DDB2: variants seen among roughly 807,000 people sequenced by gnomAD.
DDB2 encodes damage specific DNA binding protein 2.
DDB2 carries 27 observed loss-of-function variants against 50.5 expected under a neutral mutation model. That is an observed-to-expected ratio of 0.53 (90% confidence interval 0.39 to 0.74). The LOEUF is 0.74. DDB2 is among the 30% of genes least tolerant of loss of function. DDB2 has a pLI of 0.00. For missense variants in DDB2, 424 were observed against 545.6 expected (o/e 0.78, Z 2.22); for synonymous variants, 176 against 205.5 (o/e 0.86, Z 1.23).
At chr11:47,238,082 G>A (rs999912413) in intron 8 of DDB2, 56 bp from the exon 9 acceptor site, 31 of 1,611,276 alleles carry the variant, frequency 1.9e-5, no homozygotes, top group Non-Finnish European at 1.8e-5. Flanking sequence ...CCAGAAATCA[G>A]GTGTCTCTGC....
intron 7 of DDB2, chr11:47,235,964 GCT>G (rs1953721972): frequency 9.5e-6 from 1 of 105,698 alleles, no homozygotes; most frequent in African/African-American, 3.7e-5. Context: ...AAACGGTCTT[GCT>G]CTGTCACCCA....
intron 3 of DDB2, among the ~76,000 whole-genome samples, chr11:47,222,882 A>G (rs1216276976): frequency 6.6e-6 from 1 of 152,182 alleles, no homozygotes; most frequent in Non-Finnish European, 1.5e-5. Context: ...ATTTGCCCAC[A>G]TATTGTCATT....
At chr11:47,231,590 C>T (rs750653360) in intron 3 of DDB2, among the ~76,000 whole-genome samples, 12 of 152,222 alleles carry the variant, frequency 7.9e-5, no homozygotes, top group Non-Finnish European at 1.5e-4. Context: ...GTGATTCGAT[C>T]GCAACTCACT....
Position 47,215,013 on chromosome 11 carries a change from C to A in DDB2, c.-124C>A. ...CTGGGCATGTTTGGCGGGAAGTTGG[C>A]TTAGCTCGGCTACCTGTGGCCCCGC... is the stretch of plus-strand genomic sequence containing the variant. On this transcript the variant is annotated 5_prime_UTR_variant, in exon 1 of 10. Coordinates refer to ENST00000256996, the MANE Select transcript of DDB2 (RefSeq NM_000107.3). 1 of 1,467,350 alleles carries A rather than the reference C, an allele frequency of 6.8e-7. No individual in the cohort carries two copies. Among genetic ancestry groups the A allele is most frequent in the Non-Finnish European group, 9.5e-7 (1 of 1,053,414 alleles). 90.9% of individuals were successfully genotyped at this position (1,467,350 alleles called of 1,614,324 possible).
At chr11:47,225,306 T>A (rs943999033) in intron 3 of DDB2, among the ~76,000 whole-genome samples, 2 of 149,478 alleles carry the variant, frequency 1.3e-5, no homozygotes, top group South Asian at 4.3e-4. Flanking sequence ...TTAAAAAAAA[T>A]TGTGGGCCAG....
intron 3 of DDB2, among the ~76,000 whole-genome samples, chr11:47,224,975 T>C (rs552140184): frequency 1.3e-5 from 2 of 152,234 alleles, no homozygotes; most frequent in African/African-American, 4.8e-5. Flanking sequence ...TCTCACTCTC[T>C]CTTCCAGGCT....
At chr11:47,227,099 CT>C (rs34243882) in intron 3 of DDB2, among the ~76,000 whole-genome samples, 12 of 32,144 alleles carry the variant, frequency 3.7e-4, no homozygotes, top group African/African-American at 1.7e-3. Flanking sequence ...GGATATTAAC[CT>C]TTTTTTTTTT....
intron 3 of DDB2, among the ~76,000 whole-genome samples, chr11:47,218,546 G>A (rs969137533): frequency 1.3e-5 from 2 of 152,162 alleles, no homozygotes; most frequent in Admixed American, 1.3e-4. Flanking sequence ...ACTGGGTGAG[G>A]TTTGGCACAG....
chr11:47,234,056 G>C (rs1301419875), intron 4 of DDB2, among the ~76,000 whole-genome samples: 1 of 152,172 alleles, frequency 6.6e-6, no homozygotes, highest in African/African-American at 2.4e-5. Flanking sequence ...CTCCTAGTCA[G>C]CCTCCCAGTC....
intron 3 of DDB2, among the ~76,000 whole-genome samples, chr11:47,226,278 CTTTTTTTTT>C (rs759607243): frequency 7.2e-6 from 1 of 139,288 alleles, no homozygotes; most frequent in African/African-American, 2.6e-5. Context: ...CATTTATTTT[CTTTTTTTTT>C]TTTTTTGAGA....
intron 1 of DDB2, chr11:47,216,092 G>A (rs1055110230): frequency 4.8e-5 from 30 of 625,848 alleles, no homozygotes; most frequent in Admixed American, 3.4e-4. Flanking sequence ...CAGGAACCCT[G>A]CACGACTGTA....
At chr11:47,234,348 A>G (rs2135511243) in intron 4 of DDB2, among the ~76,000 whole-genome samples, 1 of 152,318 alleles carries the variant, frequency 6.6e-6, no homozygotes, top group South Asian at 2.1e-4. Flanking sequence ...TCCTGGGCCC[A>G]GCCATAACCA....
At chr11:47,222,574 G>A (rs1279785609) in intron 3 of DDB2, among the ~76,000 whole-genome samples, 1 of 152,162 alleles carries the variant, frequency 6.6e-6, no homozygotes, top group African/African-American at 2.4e-5. Flanking sequence ...TCAAACTCCT[G>A]GCCTCAAGCT....
chr11:47,216,243 C>T lies in DDB2; in HGVS notation c.128-93C>T, dbSNP rs747171370. 9 of 1,582,378 alleles carry T rather than the reference C, an allele frequency of 5.7e-6. No homozygotes were observed. In the South Asian group the frequency reaches 6.7e-5, roughly 12 times the overall value. On this transcript the variant is annotated intron_variant, in intron 1 of 9. Transcript: ENST00000256996. ...AGGAGGTGATGAGACAGAGATTAAC[C>T]GTGCCGAATGAAACAAGGCTTCCTT...
At chr11:47,215,871 C>T (rs891963934) in intron 1 of DDB2, 9 of 286,716 alleles carry the variant, frequency 3.1e-5, no homozygotes, top group African/African-American at 1.1e-4. Context: ...ACTTACCTCC[C>T]CAGAAGTAAC....
chr11:47,234,451 A>T (rs1179455958), intron 4 of DDB2, 122 bp from the exon 5 acceptor site: 6 of 812,226 alleles, frequency 7.4e-6, no homozygotes, highest in Non-Finnish European at 8.8e-6. Flanking sequence ...CAAGACAGTT[A>T]TTCATTCATT....
At chr11:47,219,579 G>A (rs1301379606) in intron 3 of DDB2, among the ~76,000 whole-genome samples, 1 of 151,944 alleles carries the variant, frequency 6.6e-6, no homozygotes, top group African/African-American at 2.4e-5. Flanking sequence ...CAAACTACTG[G>A]CCTCAAGCAA....
chr11:47,221,128 A>C (rs1590991054), intron 3 of DDB2, among the ~76,000 whole-genome samples: 1 of 151,862 alleles, frequency 6.6e-6, no homozygotes, highest in South Asian at 2.1e-4. Flanking sequence ...GTGCCACTGC[A>C]CTCCAGCCTG....
intron 4 of DDB2, chr11:47,233,305 C>T (rs1953675234): frequency 5.2e-6 from 2 of 387,122 alleles, no homozygotes; most frequent in Non-Finnish European, 9.9e-6. Context: ...GAATGCCCTG[C>T]ACTCACTGTG....
Sources: gnomAD v4.1 joint callset for allele counts (sites outside exome capture counted in the v4.1 genomes callset) on GRCh38, gnomAD v4.1.1 for gene constraint, MANE v1.5 for transcripts, NCBI Gene and HGNC (gene_info 2026-07-23, HGNC 2026-07-21) for gene names.